Variants in TCF7L2 observed in about 807,000 individuals in gnomAD.
TCF7L2 encodes transcription factor 7 like 2, also known as transcription factor 7-like 2.
A neutral mutation model predicts 77.9 loss-of-function variants in TCF7L2; 23 were observed. The ratio of observed to expected loss-of-function variants is 0.30; its 90% CI spans 0.21 to 0.42. TCF7L2 has a LOEUF of 0.42. Among genes scored for constraint, TCF7L2 ranks in the 10% least tolerant of loss-of-function variants. TCF7L2 has a pLI of 1.00. For missense variants in TCF7L2, 654 were observed against 793.1 expected (o/e 0.82, Z 2.11); for synonymous variants, 413 against 340.2 (o/e 1.21, Z -2.36).
At chr10:113,092,119 A>G (rs1452119737) in intron 5 of TCF7L2, among the ~76,000 whole-genome samples, 1 of 152,230 alleles carries the variant, frequency 6.6e-6, no homozygotes, top group African/African-American at 2.4e-5. Context: ...TGAAACAGAA[A>G]GACTGGGTTT....
At chr10:113,102,675 C>T (rs1344255650) in intron 5 of TCF7L2, among the ~76,000 whole-genome samples, 1 of 152,100 alleles carries the variant, frequency 6.6e-6, no homozygotes, top group Non-Finnish European at 1.5e-5. Context: ...ATCTGTCTTC[C>T]TCGGCCCCTC....
At chr10:112,987,984 C>T (rs1005603308) in intron 4 of TCF7L2, 2 of 145,136 alleles carry the variant, frequency 1.4e-5, no homozygotes, top group African/African-American at 2.6e-5. Context: ...TGTAATGTAC[C>T]CATTGCCATA....
At chr10:113,148,296 G>A (rs35191332) in intron 8 of TCF7L2, among the ~76,000 whole-genome samples, 3,934 of 152,252 alleles carry the variant, frequency 0.026, 76 homozygotes, top group Admixed American at 0.042. Flanking sequence ...TTCTCCTGAC[G>A]AGAGCCGGCT....
At position 112,964,461 on chromosome 10, in the gene TCF7L2, C is replaced by G. The variant is rs893939816; in HGVS notation, c.382-95C>G. The G allele has an allele frequency of 1.9e-5, 21 of 1,116,542 alleles. No individual in the cohort carries two copies. In the African/African-American group the frequency reaches 2.6e-4, roughly 14 times the overall value. The allele number at this position is 1,116,542 out of a possible 1,614,324, so 69.2% of individuals were successfully genotyped here. A position where few individuals can be genotyped will look rare whatever the true frequency, so the allele number is the denominator to read the frequency against. On this transcript the variant is annotated intron_variant, in intron 3 of 13. Transcript: ENST00000627217. ...TTGAATGCCAAGGCTGCAGTTCAAT[C>G]TAGGAAGGTTTGTCTGCTATTCATA...
chr10:112,985,073 C>G (rs1029276310), intron 4 of TCF7L2, among the ~76,000 whole-genome samples: 1 of 152,092 alleles, frequency 6.6e-6, no homozygotes, highest in African/African-American at 2.4e-5. Flanking sequence ...ATAACATGTA[C>G]AGCGCCACAG....
At chr10:113,129,481 A>C (rs1039925959) in intron 5 of TCF7L2, 18 of 1,019,456 alleles carry the variant, frequency 1.8e-5, no homozygotes, top group African/African-American at 7.0e-5. Context: ...AGAAAGTAGA[A>C]GGAGTTTTTA....
At chr10:113,033,285 G>T (rs986435735) in intron 4 of TCF7L2, among the ~76,000 whole-genome samples, 5 of 149,194 alleles carry the variant, frequency 3.4e-5, no homozygotes, top group African/African-American at 7.4e-5. Context: ...TTGAGACCAG[G>T]TCTTGCTCTG....
chr10:112,966,902 A>G (rs1473809883), intron 4 of TCF7L2, among the ~76,000 whole-genome samples: 2 of 152,226 alleles, frequency 1.3e-5, no homozygotes, highest in South Asian at 2.1e-4. Context: ...CTTGATGCCC[A>G]TGTGGGCAAA....
At chr10:113,099,468 G>A (rs1022814891) in intron 5 of TCF7L2, among the ~76,000 whole-genome samples, 2 of 152,156 alleles carry the variant, frequency 1.3e-5, no homozygotes, top group African/African-American at 4.8e-5. Context: ...AGCCCTCAGT[G>A]CATCCCCACC....
chr10:113,036,119 CATCATCAT>C (rs2051171745), intron 4 of TCF7L2, among the ~76,000 whole-genome samples: 1 of 4,356 alleles, frequency 2.3e-4, no homozygotes, highest in Admixed American at 5.6e-3. Context: ...TCATCACCAT[CATCATCAT>C]CATCATCATC....
intron 11 of TCF7L2, 29 bp downstream of exon 11, chr10:113,152,469 A>G (rs2070947815): frequency 6.4e-7 from 1 of 1,566,956 alleles, no homozygotes; most frequent in African/African-American, 1.4e-5. Context: ...TTAGGATTGG[A>G]GTCTGTAGAG....
intron 11 of TCF7L2, 48 bp downstream of exon 11, chr10:113,152,488 T>C (rs1410250701): frequency 3.3e-6 from 5 of 1,504,266 alleles, no homozygotes; most frequent in East Asian, 2.3e-5. Flanking sequence ...AGCTGTGTTG[T>C]GCGTCTATAC....
intron 4 of TCF7L2, among the ~76,000 whole-genome samples, chr10:113,021,739 C>T (rs896382130): frequency 8.5e-5 from 13 of 152,336 alleles, no homozygotes; most frequent in Non-Finnish European, 1.5e-4. Context: ...GAACTCTCCA[C>T]GTGTGTGTGT....
chr10:113,128,679 G>A (rs773602060), intron 5 of TCF7L2, among the ~76,000 whole-genome samples: 3 of 152,058 alleles, frequency 2.0e-5, no homozygotes, highest in South Asian at 2.1e-4. Context: ...GGAAAAGACC[G>A]GAAAAGCGTT....
chr10:113,143,970 C>T lies in TCF7L2; in HGVS notation c.733C>T (p.Leu245=), dbSNP rs187396733. ...TCCAGATATATCCCCGTATTACCCACTATCGCCTGGCACCGTAGGACAAAT... is the reference window on the plus strand; with the variant it reads ...TCCAGATATATCCCCGTATTACCCATTATCGCCTGGCACCGTAGGACAAAT... Residue 245 remains leucine, a synonymous_variant, in exon 7 of 14, where the codon CTA becomes TTA. Coordinates refer to ENST00000627217, the MANE Select transcript of TCF7L2 (RefSeq NM_001146274.2). 136 of 1,614,086 alleles carry T rather than the reference C, an allele frequency of 8.4e-5. No homozygotes were observed. Among genetic ancestry groups the T allele is most frequent in the Non-Finnish European group, 5.1e-6 (6 of 1,180,054 alleles).
intron 11 of TCF7L2, among the ~76,000 whole-genome samples, chr10:113,155,499 C>A (rs977481502): frequency 1.3e-5 from 2 of 152,182 alleles, no homozygotes; most frequent in Admixed American, 1.3e-4. Flanking sequence ...AACACAATCC[C>A]TGTCCTCCAG....
intron 4 of TCF7L2, among the ~76,000 whole-genome samples, chr10:112,982,264 A>G (rs1376901442): frequency 1.3e-5 from 2 of 152,022 alleles, no homozygotes; most frequent in Non-Finnish European, 2.9e-5. Context: ...AAACTTTTTA[A>G]TTGGGCAGGT....
intron 5 of TCF7L2, among the ~76,000 whole-genome samples, chr10:113,059,777 G>GA (rs1367573643): frequency 6.6e-6 from 1 of 151,962 alleles, no homozygotes; most frequent in African/African-American, 2.4e-5. Flanking sequence ...GAGAAGGGGA[G>GA]AAAAAAGACA....
chr10:113,139,413 G>A (rs1233689383), intron 5 of TCF7L2, among the ~76,000 whole-genome samples: 2 of 152,184 alleles, frequency 1.3e-5, no homozygotes, highest in African/African-American at 2.4e-5. Context: ...ACTGGCTGTG[G>A]GCAGCAGCCC....
Sources: gnomAD v4.1 joint callset for allele counts (sites outside exome capture counted in the v4.1 genomes callset) on GRCh38, gnomAD v4.1.1 for gene constraint, MANE v1.5 for transcripts, NCBI Gene and HGNC (gene_info 2026-07-23, HGNC 2026-07-21) for gene names.